The following SRCAP variants were observed in gnomAD, a reference collection of about 807,000 sequenced individuals.
The protein encoded by SRCAP is chromatin remodeling protein SRCAP.
Under a neutral mutation model 263.1 loss-of-function variants are expected in SRCAP, and 46 were observed. That is an observed-to-expected ratio of 0.17 (90% CI 0.14 to 0.22). SRCAP has a LOEUF of 0.22. Among genes scored for constraint, SRCAP ranks in the 10% least tolerant of loss-of-function variants. The pLI is 1.00. For missense variants in SRCAP, 3,695 were observed against 4,181.9 expected, an observed-to-expected ratio of 0.88 and a Z score of 3.21; for synonymous variants, 1,813 against 1,662.1, an observed-to-expected ratio of 1.09 and a Z score of -2.21.
intron 4 of SRCAP, 147 bp downstream of exon 4, chr16:30,704,462 G>C: frequency 1.1e-6 from 1 of 932,534 alleles, no homozygotes; most frequent in Non-Finnish European, 1.6e-6. Context: ...TGAGCAAACT[G>C]CTTGAATATT....
At chr16:30,706,603 G>A (rs74511197) in intron 4 of SRCAP, among the ~76,000 whole-genome samples, 2,154 of 152,230 alleles carry the variant, frequency 0.014, 42 homozygotes, top group African/African-American at 0.047. Flanking sequence ...AACATTTCAC[G>A]TATAACGTTT....
At chr16:30,727,274 CTT>C (rs1232295374) in intron 25 of SRCAP, among the ~76,000 whole-genome samples, 1 of 152,204 alleles carries the variant, frequency 6.6e-6, no homozygotes, top group East Asian at 1.9e-4. Context: ...ATTTGTGTAT[CTT>C]TGAAGAACTA....
At position 30,724,446 on chromosome 16, in the gene SRCAP, C is replaced by T; in HGVS notation, c.5022C>T (p.Ser1674=). 2 of 1,614,234 alleles carry T rather than the reference C, an allele frequency of 1.2e-6. No homozygotes were observed. Among genetic ancestry groups the T allele is most frequent in the Non-Finnish European group, 1.7e-6 (2 of 1,180,044 alleles). The stretch of plus-strand genomic sequence containing the variant: ...CCCCGGTTCCGTCACCTCTCCCGAG[C>T]CCGGCTTCTACGCAGACACTGGCCC... ...LPAPVPSPLP[S]PASTQTLALA... The change falls in exon 25 of 34, where the codon AGC becomes AGT. Residue 1674 remains serine (S), a synonymous_variant. Transcript: ENST00000262518.
At chr16:30,699,581 T>C (rs1350999737) in intron 1 of SRCAP, among the ~76,000 whole-genome samples, 3 of 152,070 alleles carry the variant, frequency 2.0e-5, no homozygotes. Context: ...CAGCCCTCAC[T>C]GGAAAGGCCC....
chr16:30,735,315 T>G (rs1401916661), intron 31 of SRCAP, among the ~76,000 whole-genome samples: 1 of 149,464 alleles, frequency 6.7e-6, no homozygotes, highest in Admixed American at 6.7e-5. Flanking sequence ...CCCGGCTAAT[T>G]TTTTGTATTT....
chr16:30,728,628 C>G (rs963887432), intron 25 of SRCAP, among the ~76,000 whole-genome samples: 3 of 152,166 alleles, frequency 2.0e-5, no homozygotes, highest in Non-Finnish European at 2.9e-5. Context: ...ACCCACAAAT[C>G]GTCCATTCTA....
chr16:30,701,338 TAA>T (rs2052763775), intron 3 of SRCAP: 1 of 153,034 alleles, frequency 6.5e-6, no homozygotes, highest in African/African-American at 2.4e-5. Context: ...AATTTTTCTA[TAA>T]AAAGGGTTTC....
chr16:30,706,984 C>G (rs948742326), intron 4 of SRCAP, among the ~76,000 whole-genome samples, 199 bp from the exon 5 acceptor site: 3 of 152,068 alleles, frequency 2.0e-5, no homozygotes, highest in African/African-American at 7.2e-5. Context: ...ACTTAATCTC[C>G]CTGATCTTTT....
Position 30,738,784 on chromosome 16 carries a change from G to T in SRCAP, c.8744G>T (p.Gly2915Val). The change falls in exon 34 of 34, where the codon GGG (glycine) becomes GTG (valine). Residue 2915 changes from glycine to valine, a missense_variant. Around this residue, in one of 12 missense-constraint regions of SRCAP, gnomAD observed 1,207 missense variants for 1,142.9 expected, o/e 1.06. Coordinates refer to ENST00000262518, the MANE Select transcript of SRCAP (RefSeq NM_006662.3). ...DPVLEPQLIP[G>V]PQPLGPQPVH... The stretch of plus-strand genomic sequence containing the variant: ...GTCCTGGAACCACAGCTTATTCCTG[G>T]GCCCCAGCCTCTTGGACCCCAGCCA... 1 of 1,613,668 alleles carries T rather than the reference G, an allele frequency of 6.2e-7. No individual in the cohort carries two copies. The highest frequency in any genetic ancestry group is 8.5e-7 in the Non-Finnish European group (1 of 1,179,830).
At position 30,716,251 on chromosome 16, in the gene SRCAP, G is replaced by T. The variant is rs762752886; in HGVS notation, c.2631-42G>T. On this transcript the variant is annotated intron_variant, in intron 17 of 33. Coordinates refer to ENST00000262518, the MANE Select transcript of SRCAP (RefSeq NM_006662.3). Reference sequence around the variant, plus strand: ...CCTGGGACTCGAGATTGGAGTGTAGGTGGCTGTTAGGACGTCTCATTTATT... The same window carrying T: ...CCTGGGACTCGAGATTGGAGTGTAGTTGGCTGTTAGGACGTCTCATTTATT... 8.7e-6 allele frequency: 14 copies of T among 1,613,358 alleles called. No individual in the cohort carries two copies. In the Admixed American group the frequency reaches 2.2e-4, roughly 25 times the overall value.
In SRCAP at chr16:30,733,142, A is replaced by T; in HGVS notation, c.6128-138A>T. 1.0e-6 allele frequency: 1 copy of T among 987,142 alleles called. No individual in the cohort carries two copies. The highest frequency in any genetic ancestry group is 1.5e-6 in the Non-Finnish European group (1 of 670,040). 61.1% of individuals were successfully genotyped at this position (987,142 alleles called of 1,614,324 possible). On this transcript the variant is annotated intron_variant, in intron 27 of 33. Transcript: ENST00000262518. This position sits in a 1 kb window ranked among gnomAD's most constrained non-coding sequence, Gnocchi z 5.3. ...TGAGCCACCATGCCCTGCCGTAGTT[A>T]AACATTTTTGATCTGCTAGGCTAAT... is the stretch of plus-strand genomic sequence containing the variant.
rs1164546989 is a variant in SRCAP at position 30,734,796 on chromosome 16, A to AG, written c.6729+181_6729+182insG. Among the ~76,000 whole-genome samples, 31 of 152,348 alleles carry AG rather than the reference A, an allele frequency of 2.0e-4. No individual in the cohort carries two copies. In the South Asian group the frequency reaches 2.1e-3, roughly 10 times the overall value. On this transcript the variant is annotated intron_variant, in intron 31 of 33. Coordinates refer to ENST00000262518, the MANE Select transcript of SRCAP (RefSeq NM_006662.3). ...GTTCACATGATTAAGTAGGAAAAAA[A>AG]AACAGGATTTTGGAGTCTTTAGTTT...
In SRCAP at chr16:30,724,313, C is replaced by T; in HGVS notation, c.4889C>T (p.Pro1630Leu). The change falls in exon 25 of 34, where the codon CCA (proline) becomes CTA (leucine). Residue 1630 changes from proline to leucine, a missense_variant. Physicochemically the swap from Pro to Leu is moderately conservative, Grantham distance 98 (BLOSUM62 -3). Around this residue, in one of 12 missense-constraint regions of SRCAP, gnomAD observed 1,347 missense variants for 1,304.4 expected, o/e 1.03. Transcript: ENST00000262518. Reference protein sequence around the residue: ...PVLASSQTPVPVMAPSSTPGT... With the variant: ...PVLASSQTPVLVMAPSSTPGT... ...CTGGCTTCATCACAGACTCCGGTTC[C>T]AGTTATGGCTCCATCGTCTACTCCA... 6.2e-7 allele frequency: 1 copy of T among 1,614,170 alleles called. No homozygotes were observed. The highest frequency in any genetic ancestry group is 8.5e-7 in the Non-Finnish European group (1 of 1,180,024).
rs1680546276 is a variant in SRCAP, at chr16:30,721,475, C to T, written c.3540C>T (p.Pro1180=). 1 of 1,608,030 alleles carries T rather than the reference C, an allele frequency of 6.2e-7. No homozygotes were observed. The highest frequency in any genetic ancestry group is 1.7e-5 in the Admixed American group (1 of 60,006). ...ILSPDMQARL[P]SGEVVSIGQL... The stretch of plus-strand genomic sequence containing the variant: ...CTCCCGATATGCAGGCTCGCCTGCC[C>T]TGTAAGTTCCCAGGGCTCTGTGGTG... The change falls in exon 21 of 34, where the codon CCC becomes CCT. Residue 1180 remains proline (P), a splice_region_variant and synonymous_variant. Coordinates refer to ENST00000262518, the MANE Select transcript of SRCAP (RefSeq NM_006662.3).
In SRCAP at chr16:30,720,596, C is replaced by G. The variant is rs1052475439; in HGVS notation, c.2988-117C>G. On this transcript the variant is annotated intron_variant, in intron 19 of 33. Transcript: ENST00000262518. ...CTATTCCTTGTTCTCCTTTGGGTCT[C>G]TTTCCTTTTCTTTGCTTTTATAATC... 8 of 1,278,324 alleles carry G rather than the reference C, an allele frequency of 6.3e-6. No homozygotes were observed. In the Admixed American group the frequency reaches 1.2e-4, roughly 19 times the overall value. 79.2% of individuals were successfully genotyped at this position (1,278,324 alleles called of 1,614,324 possible). A position where few individuals can be genotyped will look rare whatever the true frequency, so the allele number is the denominator to read the frequency against.
intron 31 of SRCAP, among the ~76,000 whole-genome samples, chr16:30,735,136 A>ATTTTTTTTTT (rs10532453): frequency 1.1e-4 from 12 of 106,502 alleles, no homozygotes; most frequent in African/African-American, 5.3e-4. Flanking sequence ...AGTACAAAGC[A>ATTTTTTTTTT]TTTTTTTTTT....
intron 1 of SRCAP, 82 bp downstream of exon 1, chr16:30,699,324 C>T (rs1333280292): frequency 2.5e-6 from 1 of 397,774 alleles, no homozygotes; most frequent in Non-Finnish European, 4.4e-6. Context: ...TCCTTAAACA[C>T]TGGGGAAGCA....
At chr16:30,722,517 G>A (rs766075888) in intron 22 of SRCAP, 46 bp from the exon 23 acceptor site, 2 of 1,606,226 alleles carry the variant, frequency 1.2e-6, no homozygotes, top group South Asian at 1.1e-5. Flanking sequence ...GCCCTCCTCA[G>A]GCTGATAGCT....
In SRCAP at chr16:30,741,169, A is replaced by C. The variant is rs534223265; in HGVS notation, c.*1436A>C. Reference sequence around the variant, plus strand: ...TAGCAGAGGAAGCCCTGACTTAGGGAAGTAAAGTCTTTCTGATGTTTGGTT... The same window carrying C: ...TAGCAGAGGAAGCCCTGACTTAGGGCAGTAAAGTCTTTCTGATGTTTGGTT... On this transcript the variant is annotated 3_prime_UTR_variant, in exon 34 of 34. Coordinates refer to ENST00000262518, the MANE Select transcript of SRCAP (RefSeq NM_006662.3). 2 of 152,366 alleles carry C rather than the reference A, an allele frequency of 1.3e-5. No individual in the cohort carries two copies. The highest frequency in any genetic ancestry group is 4.1e-4 in the South Asian group (2 of 4,828). The allele number at this position is 152,366 out of a possible 1,614,324, so 9.4% of individuals were successfully genotyped here.
Sources: allele counts gnomAD v4.1 joint callset (sites outside exome capture counted in the v4.1 genomes callset), GRCh38; gene constraint gnomAD v4.1.1; regional missense constraint gnomAD v4.1.1; non-coding constraint Gnocchi (gnomAD v3.1); transcripts MANE v1.5; gene names NCBI Gene and HGNC (gene_info 2026-07-23, HGNC 2026-07-21).